KCNIP4: variants seen among roughly 807,000 people sequenced by gnomAD.
The protein encoded by KCNIP4 is potassium voltage-gated channel interacting protein 4, also known as Kv channel-interacting protein 4.
Under a neutral mutation model 34.0 loss-of-function variants are expected in KCNIP4, and 12 were observed. The ratio of observed to expected loss-of-function variants is 0.35; its 90% CI spans 0.23 to 0.57. The LOEUF is 0.57. KCNIP4 is among the 20% of genes least tolerant of loss of function. KCNIP4 has a pLI of 0.83. For missense variants in KCNIP4, 238 were observed against 311.7 expected (o/e 0.76, Z 1.78); for synonymous variants, 124 against 102.2 (o/e 1.21, Z -1.29).
chr4:20,927,737 T>C (rs1730039365), intron 1 of KCNIP4, among the ~76,000 whole-genome samples: 1 of 152,212 alleles, frequency 6.6e-6, no homozygotes, highest in Non-Finnish European at 1.5e-5. Flanking sequence ...CAGTTTAAAT[T>C]AAAATATGTG....
At chr4:21,051,271 A>G in intron 1 of KCNIP4, among the ~76,000 whole-genome samples, 1 of 152,222 alleles carries the variant, frequency 6.6e-6, no homozygotes, top group East Asian at 1.9e-4. Flanking sequence ...AAGAGACTAC[A>G]TTTAAGTTTT....
chr4:21,699,897 G>T (rs577213732), intron 1 of KCNIP4, among the ~76,000 whole-genome samples: 27 of 152,178 alleles, frequency 1.8e-4, no homozygotes, highest in Non-Finnish European at 3.2e-4. Context: ...CACATGTGAG[G>T]GGGCATCACA....
intron 3 of KCNIP4, among the ~76,000 whole-genome samples, chr4:20,822,734 G>A (rs13103002): frequency 6.6e-6 from 1 of 152,066 alleles, no homozygotes; most frequent in Non-Finnish European, 1.5e-5. Context: ...CGGGGCCAGG[G>A]GTGGAATATT....
intron 1 of KCNIP4, among the ~76,000 whole-genome samples, chr4:21,638,434 A>T (rs922713471): frequency 6.6e-6 from 1 of 152,180 alleles, no homozygotes; most frequent in African/African-American, 2.4e-5. Flanking sequence ...TAGAAACACA[A>T]CATAAAACTG....
At chr4:21,003,207 G>A (rs1738285411) in intron 1 of KCNIP4, among the ~76,000 whole-genome samples, 1 of 152,136 alleles carries the variant, frequency 6.6e-6, no homozygotes, top group Non-Finnish European at 1.5e-5. Context: ...TTACAGGGCT[G>A]AAATTTGAAC....
At chr4:21,780,127 A>G (rs1719483998) in intron 1 of KCNIP4, among the ~76,000 whole-genome samples, 1 of 152,130 alleles carries the variant, frequency 6.6e-6, no homozygotes, top group Non-Finnish European at 1.5e-5. Context: ...AAATGAGAGC[A>G]TAAAAGTTTT....
chr4:21,180,095 C>G (rs1307594691), intron 1 of KCNIP4, among the ~76,000 whole-genome samples: 1 of 152,068 alleles, frequency 6.6e-6, no homozygotes, highest in Non-Finnish European at 1.5e-5. Flanking sequence ...TGAATCTATC[C>G]CAAGAAATAA....
At chr4:21,761,180 T>C (rs1718024426) in intron 1 of KCNIP4, among the ~76,000 whole-genome samples, 1 of 152,106 alleles carries the variant, frequency 6.6e-6, no homozygotes, top group Non-Finnish European at 1.5e-5. Context: ...TAACTCACTA[T>C]AGCCTCAAAC....
At chr4:21,683,893 C>T (rs991663722) in intron 1 of KCNIP4, among the ~76,000 whole-genome samples, 3 of 151,970 alleles carry the variant, frequency 2.0e-5, no homozygotes, top group African/African-American at 7.2e-5. Flanking sequence ...CGAGACTGTA[C>T]GTGTTCTCAC....
At chr4:21,908,273 C>T (rs1448876745) in intron 1 of KCNIP4, among the ~76,000 whole-genome samples, 1 of 152,084 alleles carries the variant, frequency 6.6e-6, no homozygotes, top group African/African-American at 2.4e-5. Context: ...CTCCAGCTGT[C>T]CTGGCCTTCT....
chr4:21,414,015 TGTCA>T (rs1039560660), intron 1 of KCNIP4, among the ~76,000 whole-genome samples: 1 of 152,204 alleles, frequency 6.6e-6, no homozygotes, highest in African/African-American at 2.4e-5. Context: ...CGCCTACCTG[TGTCA>T]GTCAGTAGTG....
intron 1 of KCNIP4, among the ~76,000 whole-genome samples, chr4:21,274,072 A>G (rs1366023263): frequency 6.6e-6 from 1 of 152,204 alleles, no homozygotes; most frequent in Non-Finnish European, 1.5e-5. Context: ...ACCTTGGAAA[A>G]AATCAGGTAA....
chr4:21,514,229 T>C (rs1045099558), intron 1 of KCNIP4, among the ~76,000 whole-genome samples: 1 of 152,200 alleles, frequency 6.6e-6, no homozygotes, highest in Admixed American at 6.5e-5. Context: ...GTAATTTGCA[T>C]GAGCTGATAT....
At chr4:21,110,015 A>C (rs1577709407) in intron 1 of KCNIP4, among the ~76,000 whole-genome samples, 1 of 152,146 alleles carries the variant, frequency 6.6e-6, no homozygotes, top group South Asian at 2.1e-4. Context: ...AGCCTTCTGA[A>C]CCCTCATCAG....
chr4:20,852,377 A>C (rs2149485248), intron 2 of KCNIP4, among the ~76,000 whole-genome samples: 1 of 152,326 alleles, frequency 6.6e-6, no homozygotes, highest in South Asian at 2.1e-4. Flanking sequence ...AACAAAAATC[A>C]CACGATCATC....
intron 1 of KCNIP4, among the ~76,000 whole-genome samples, chr4:21,247,735 G>GATAGATATATATATAT (rs1553845666): frequency 1.6e-5 from 1 of 61,364 alleles, no homozygotes; most frequent in South Asian, 5.8e-4. Context: ...TCCACAGGTG[G>GATAGATATATATATAT]ATATATATAT....
intron 1 of KCNIP4, among the ~76,000 whole-genome samples, chr4:21,234,630 A>G (rs1268869129): frequency 6.9e-6 from 1 of 144,246 alleles, no homozygotes; most frequent in African/African-American, 2.6e-5. Context: ...TATATATTAC[A>G]TATAACATAA....
intron 1 of KCNIP4, among the ~76,000 whole-genome samples, chr4:21,692,216 T>C (rs1020322105): frequency 1.3e-5 from 2 of 152,158 alleles, no homozygotes; most frequent in Non-Finnish European, 2.9e-5. Context: ...ATGCTAATTA[T>C]AGGAAAAAGA....
intron 5 of KCNIP4, among the ~76,000 whole-genome samples, chr4:20,745,732 ATTCTGTTCATC>A (rs1170536691): frequency 4.6e-5 from 7 of 152,190 alleles, no homozygotes; most frequent in African/African-American, 1.7e-4. Context: ...TCAGTTGTGG[ATTCTGTTCATC>A]TGCCAAACCT....
Sources: gnomAD v4.1 joint callset for allele counts (sites outside exome capture counted in the v4.1 genomes callset) on GRCh38, gnomAD v4.1.1 for gene constraint, MANE v1.5 for transcripts, NCBI Gene and HGNC (gene_info 2026-07-23, HGNC 2026-07-21) for gene names.